The following CADM2 variants were observed in gnomAD, a reference collection of about 807,000 sequenced individuals.
CADM2 encodes immunoglobulin superfamily member 4D.
CADM2 carries 12 observed loss-of-function variants against 49.8 expected under a neutral mutation model. The ratio of observed to expected loss-of-function variants is 0.24; its 90% CI spans 0.15 to 0.39. The LOEUF is 0.39. Ranked by LOEUF, CADM2 falls within the 10% of genes least tolerant of loss-of-function variation. The pLI is 1.00. For synonymous variants in CADM2, 214 were observed against 175.4 expected (o/e 1.22, Z -1.74); for missense variants, 378 against 492.3 (o/e 0.77, Z 2.20).
intron 1 of CADM2, among the ~76,000 whole-genome samples, chr3:85,398,033 T>C (rs1215656171): frequency 1.3e-5 from 2 of 152,064 alleles, no homozygotes; most frequent in Non-Finnish European, 1.5e-5. Flanking sequence ...TACTTTAAGT[T>C]CTAGGTTACA....
At chr3:86,016,086 C>T (rs907729895) in intron 8 of CADM2, among the ~76,000 whole-genome samples, 6 of 151,872 alleles carry the variant, frequency 4.0e-5, no homozygotes, top group Admixed American at 6.6e-5. Flanking sequence ...AAATAATTTA[C>T]GAGCTTCTAG....
chr3:85,929,119 C>G (rs1420984780), intron 6 of CADM2, among the ~76,000 whole-genome samples: 1 of 152,010 alleles, frequency 6.6e-6, no homozygotes, highest in African/African-American at 2.4e-5. Context: ...CAATACAATA[C>G]ATTATATCAG....
intron 8 of CADM2, among the ~76,000 whole-genome samples, chr3:86,000,920 G>T (rs1472380920): frequency 6.6e-6 from 1 of 152,076 alleles, no homozygotes; most frequent in Non-Finnish European, 1.5e-5. Context: ...TAGAATTCTG[G>T]CTGCAGGGGA....
Position 85,935,782 on chromosome 3 carries a change from A to G in CADM2, c.716A>G (p.Lys239Arg). Reference protein sequence around the residue: ...VLEIHYTPSVKIIPSTPFPQE... With the variant: ...VLEIHYTPSVRIIPSTPFPQE... Reference sequence around the variant, plus strand: ...TTATTTCTAGATACACCATCAGTTAAGATTATACCATCGACTCCTTTTCCA... The same window carrying G: ...TTATTTCTAGATACACCATCAGTTAGGATTATACCATCGACTCCTTTTCCA... Residue 239 changes from lysine (K) to arginine (R), a missense_variant, in exon 7 of 10, where the codon AAG (lysine) becomes AGG (arginine). Transcript: ENST00000383699. The G allele has an allele frequency of 6.2e-7, 1 of 1,600,572 alleles. No homozygotes were observed.
chr3:86,057,176 G>A (rs1397483965), intron 8 of CADM2, among the ~76,000 whole-genome samples: 3 of 152,020 alleles, frequency 2.0e-5, no homozygotes, highest in East Asian at 1.9e-4. Context: ...GCGCAGTGAC[G>A]CATTTCTCTC....
intron 8 of CADM2, among the ~76,000 whole-genome samples, chr3:85,964,264 T>C (rs187167091): frequency 3.3e-5 from 5 of 151,764 alleles, no homozygotes; most frequent in Non-Finnish European, 4.4e-5. Flanking sequence ...CCAAGGTTGA[T>C]TTTACGTTAG....
intron 8 of CADM2, among the ~76,000 whole-genome samples, chr3:86,054,473 A>G (rs1737688692): frequency 6.6e-6 from 1 of 152,076 alleles, no homozygotes; most frequent in South Asian, 2.1e-4. Flanking sequence ...ATATGTTTCT[A>G]ACAGGTGATG....
At chr3:85,029,641 G>A (rs1343355938) in intron 1 of CADM2, among the ~76,000 whole-genome samples, 4 of 152,152 alleles carry the variant, frequency 2.6e-5, no homozygotes, top group Non-Finnish European at 5.9e-5. Context: ...ATCTTGAAAT[G>A]GAGTATTCAT....
chr3:85,725,627 G>A (rs2067668230), intron 1 of CADM2, among the ~76,000 whole-genome samples: 1 of 151,968 alleles, frequency 6.6e-6, no homozygotes, highest in South Asian at 2.1e-4. Context: ...GTAAGGGACT[G>A]TCCTGTAGGA....
rs1739717486 is a variant in CADM2 at position 86,070,040 on chromosome 3, T to G, written c.*3257T>G. 6.6e-6 allele frequency: 1 copy of G among 151,944 alleles called. No homozygotes were observed. Among genetic ancestry groups the G allele is most frequent in the African/African-American group, 2.4e-5 (1 of 41,418 alleles). 9.4% of individuals were successfully genotyped at this position (151,944 alleles called of 1,614,324 possible). On this transcript the variant is annotated 3_prime_UTR_variant, in exon 10 of 10. Transcript: ENST00000383699. ...AGAGAAATTTCAACTTGTTTTCTTT[T>G]ACCAGAGAATCCAAGAAGCAGTTTA...
intron 1 of CADM2, among the ~76,000 whole-genome samples, chr3:85,323,099 C>G (rs558092065): frequency 3.9e-5 from 6 of 152,186 alleles, no homozygotes; most frequent in African/African-American, 1.4e-4. Context: ...TTTCACTCCT[C>G]TAACATCCTA....
intron 2 of CADM2, among the ~76,000 whole-genome samples, chr3:85,740,051 A>G (rs541730024): frequency 6.6e-6 from 1 of 152,338 alleles, no homozygotes; most frequent in South Asian, 2.1e-4. Flanking sequence ...AGATGTTAAA[A>G]GTAGTCACAT....
chr3:86,015,767 G>A (rs907677302), intron 8 of CADM2, among the ~76,000 whole-genome samples: 2 of 152,074 alleles, frequency 1.3e-5, no homozygotes, highest in Non-Finnish European at 2.9e-5. Flanking sequence ...CTTTTTAGCC[G>A]GTATATGTTG....
chr3:86,067,874 TTTTA>T lies in CADM2; in HGVS notation c.*1095_*1098del, dbSNP rs1420101621. On this transcript the variant is annotated 3_prime_UTR_variant, in exon 10 of 10. Coordinates refer to ENST00000383699, the MANE Select transcript of CADM2 (RefSeq NM_001167675.2). ...ACAAATTTTTCTAGTTCTTGTTAAT[TTTTA>T]TTTGTTATACAATGGAAGCACAATG... 1 of 152,496 alleles carries T rather than the reference TTTTA, an allele frequency of 6.6e-6. No individual in the cohort carries two copies. Among genetic ancestry groups the T allele is most frequent in the African/African-American group, 2.4e-5 (1 of 41,454 alleles). 9.4% of individuals were successfully genotyped at this position (152,496 alleles called of 1,614,324 possible).
intron 3 of CADM2, among the ~76,000 whole-genome samples, chr3:85,863,074 G>A (rs1032883406): frequency 5.9e-5 from 9 of 152,104 alleles, no homozygotes; most frequent in African/African-American, 2.2e-4. Context: ...GTAATGGGTT[G>A]AGAAATAGGT....
At chr3:85,339,444 C>G (rs1352244103) in intron 1 of CADM2, among the ~76,000 whole-genome samples, 1 of 151,464 alleles carries the variant, frequency 6.6e-6, no homozygotes, top group African/African-American at 2.4e-5. Flanking sequence ...AGAATCATTC[C>G]TCAATAATGG....
Position 85,359,672 on chromosome 3 carries a change from T to A in CADM2, c.62-366850T>A, listed in dbSNP as rs1404205241. Among the ~76,000 whole-genome samples, 38 of 30,048 alleles carry A rather than the reference T, an allele frequency of 1.3e-3. 2 individuals carry two copies. The highest frequency in any genetic ancestry group is 0.011 in the East Asian group (10 of 926). 19.7% of individuals were successfully genotyped at this position (30,048 alleles called of 152,430 possible). A position where few individuals can be genotyped will look rare whatever the true frequency, so the allele number is the denominator to read the frequency against. On this transcript the variant is annotated intron_variant, in intron 1 of 9. Coordinates refer to ENST00000383699, the MANE Select transcript of CADM2 (RefSeq NM_001167675.2). ...TATATATATATATATATATATTTTT[T>A]TTTTTGGTGGAGGGGAGAAGACAAA...
intron 1 of CADM2, among the ~76,000 whole-genome samples, chr3:85,505,469 C>G (rs368597429): frequency 6.6e-6 from 1 of 152,150 alleles, no homozygotes; most frequent in Non-Finnish European, 1.5e-5. Flanking sequence ...GTTCTCCTCT[C>G]TGCTGTTCAT....
At chr3:85,234,959 T>A (rs779048700) in intron 1 of CADM2, among the ~76,000 whole-genome samples, 9 of 152,020 alleles carry the variant, frequency 5.9e-5, no homozygotes, top group Non-Finnish European at 1.2e-4. Context: ...ACACTGGGTG[T>A]GGTGGTCATG....
Sources: gnomAD v4.1 joint callset for allele counts (sites outside exome capture counted in the v4.1 genomes callset) on GRCh38, gnomAD v4.1.1 for gene constraint, MANE v1.5 for transcripts, NCBI Gene and HGNC (gene_info 2026-07-23, HGNC 2026-07-21) for gene names.